Variants in GGH observed in about 807,000 individuals in gnomAD.
The protein encoded by GGH is gamma-Glu-X carboxypeptidase.
Under a neutral mutation model 39.2 loss-of-function variants are expected in GGH, and 18 were observed. The observed-to-expected ratio is 0.46, with a 90% CI of 0.32 to 0.68. The LOEUF is 0.68. Ranked by LOEUF, GGH falls within the 30% of genes least tolerant of loss-of-function variation. The pLI, the probability that GGH is intolerant of heterozygous loss-of-function variation, is 0.04. For synonymous variants in GGH, 147 were observed against 138.8 expected, an observed-to-expected ratio of 1.06 and a Z score of -0.42; for missense variants, 367 against 384.1, an observed-to-expected ratio of 0.96 and a Z score of 0.37.
At chr8:63,038,557 T>G (rs190945668) in intron 1 of GGH, 103 bp downstream of exon 1, 18,966 of 562,634 alleles carry the variant, frequency 0.034, 462 homozygotes, top group South Asian at 0.068. Flanking sequence ...CATCTGGGGG[T>G]TTTTCCCGGC....
At chr8:63,029,669 G>A (rs1416733961) in intron 3 of GGH, among the ~76,000 whole-genome samples, 1 of 151,862 alleles carries the variant, frequency 6.6e-6, no homozygotes, top group Non-Finnish European at 1.5e-5. Context: ...TTCCTCACAG[G>A]CCCCATAGAG....
In GGH at chr8:63,024,138, A is replaced by C. The variant is rs369683727; in HGVS notation, c.548T>G (p.Leu183Arg). 1 of 1,611,790 alleles carries C rather than the reference A, an allele frequency of 6.2e-7. No homozygotes were observed. The highest frequency in any genetic ancestry group is 8.5e-7 in the Non-Finnish European group (1 of 1,178,130). ...AGTCAGAGGTTCTACTGCTAATGAC[A>C]GCAACAACTCAGTAGGAAAATTCTG... ...MFQNFPTELL[L>R]SLAVEPLTAN... The change falls in exon 6 of 9, where the codon CTG becomes CGG. Residue 183 changes from leucine (L) to arginine (R), a missense_variant. Leu to Arg is a moderately radical substitution (Grantham distance 102). Coordinates refer to ENST00000260118, the MANE Select transcript of GGH (RefSeq NM_003878.3).
At position 63,032,799 on chromosome 8, in the gene GGH, T is replaced by G. The variant is rs541642984; in HGVS notation, c.225-2582A>C. ...AACCCAATTTGGAAATAAACCTGTA[T>G]GCTGACAGTCGTGTTCTCAGCATCT... On this transcript the variant is annotated intron_variant, in intron 2 of 8. Coordinates refer to ENST00000260118, the MANE Select transcript of GGH (RefSeq NM_003878.3). Among the ~76,000 whole-genome samples the G allele has an allele frequency of 2.6e-5, 4 of 152,370 alleles. No homozygotes were observed. The East Asian group carries it at 5.8e-4, about 22-fold the overall frequency.
intron 7 of GGH, 63 bp from the exon 8 acceptor site, chr8:63,017,693 T>C (rs1804512602): frequency 4.0e-6 from 4 of 999,610 alleles, no homozygotes; most frequent in South Asian, 1.8e-5. Flanking sequence ...TATAATGAAA[T>C]TGGTTTATTT....
chr8:63,033,794 G>T (rs900914567), intron 2 of GGH, among the ~76,000 whole-genome samples: 3 of 151,566 alleles, frequency 2.0e-5, no homozygotes, highest in Non-Finnish European at 2.9e-5. Flanking sequence ...TCTAGTAGCC[G>T]CCAGCATCTA....
At chr8:63,018,606 A>G (rs954731394) in intron 7 of GGH, among the ~76,000 whole-genome samples, 1 of 152,182 alleles carries the variant, frequency 6.6e-6, no homozygotes, top group African/African-American at 2.4e-5. Context: ...ATGCAGCTCC[A>G]GGCACTCAGC....
intron 1 of GGH, among the ~76,000 whole-genome samples, chr8:63,036,283 A>G (rs532869443): frequency 6.6e-6 from 1 of 152,290 alleles, no homozygotes; most frequent in South Asian, 2.1e-4. Context: ...AACCCCCCCA[A>G]GCTCCAAGCA....
intron 4 of GGH, chr8:63,026,903 C>A: frequency 1.1e-5 from 4 of 355,078 alleles, no homozygotes; most frequent in Non-Finnish European, 2.0e-5. Flanking sequence ...CAGAGAGAGA[C>A]ATCAGAATGT....
intron 5 of GGH, among the ~76,000 whole-genome samples, chr8:63,025,495 G>A (rs948627282): frequency 2.0e-5 from 3 of 152,176 alleles, no homozygotes; most frequent in Non-Finnish European, 4.4e-5. Flanking sequence ...CACTTTGGAA[G>A]GCCAAGGTGG....
intron 8 of GGH, chr8:63,017,246 CTGT>C (rs1804502427): frequency 2.5e-6 from 1 of 395,014 alleles, no homozygotes; most frequent in African/African-American, 2.1e-5. Context: ...ATTCTTCACA[CTGT>C]TGTTCAAGAA....
chr8:63,015,636 C>T (rs1270347374), intron 8 of GGH, among the ~76,000 whole-genome samples, 183 bp from the exon 9 acceptor site: 1 of 143,682 alleles, frequency 7.0e-6, no homozygotes, highest in Non-Finnish European at 1.5e-5. Flanking sequence ...AACAAACTTA[C>T]TTTCCAAAAA....
At position 63,026,257 on chromosome 8, in the gene GGH, A is replaced by T. The variant is rs2129657125; in HGVS notation, c.400T>A (p.Cys134Ser). ...AGTGAAAGCTCTTCAAATCCAAGGC[A>T]TGTGCCCCACACAGGAAAATAGTCT... Reference protein sequence around the residue: ...DGDYFPVWGTCLGFEELSLLI... With the variant: ...DGDYFPVWGTSLGFEELSLLI... The change falls in exon 5 of 9, where the codon TGC becomes AGC. Residue 134 changes from cysteine to serine, a missense_variant. Transcript: ENST00000260118. 1 of 1,610,356 alleles carries T rather than the reference A, an allele frequency of 6.2e-7. No individual in the cohort carries two copies. The highest frequency in any genetic ancestry group is 8.5e-7 in the Non-Finnish European group (1 of 1,177,408).
chr8:63,032,954 T>G (rs757021686), intron 2 of GGH, among the ~76,000 whole-genome samples: 1 of 152,226 alleles, frequency 6.6e-6, no homozygotes, highest in Non-Finnish European at 1.5e-5. Flanking sequence ...GTGATTTTTT[T>G]AAACAACACT....
Position 63,027,197 on chromosome 8 carries a change from TA to T in GGH, c.343del (p.Tyr115IlefsTer29). The T allele has an allele frequency of 1.3e-6, 2 of 1,494,574 alleles. No homozygotes were observed. The highest frequency in any genetic ancestry group is 1.9e-6 in the Non-Finnish European group (2 of 1,071,344). The allele number at this position is 1,494,574 out of a possible 1,614,324, so 92.6% of individuals were successfully genotyped here. On this transcript the variant is annotated frameshift_variant, in exon 4 of 9. Coordinates refer to ENST00000260118, the MANE Select transcript of GGH (RefSeq NM_003878.3). LOFTEE classifies it high-confidence loss of function. ...GATATTTACCTGTATGGACAAGTTA[TA>T]AAATATTTTGGCCACTTTAGCATAA... Reference protein sequence around the residue: ...SDYAKVAKIFYNLSIQSFDDG... With the variant: ...SDYAKVAKIFXNLSIQSFDDG...
At chr8:63,029,149 C>G (rs1368532192) in intron 3 of GGH, among the ~76,000 whole-genome samples, 5 of 152,120 alleles carry the variant, frequency 3.3e-5, no homozygotes, top group African/African-American at 1.2e-4. Flanking sequence ...AAACATTTTA[C>G]AGTAAAATAC....
rs758036190 is a variant in GGH, at chr8:63,035,709, A to C, written c.171T>G (p.Ala57=). 2 of 1,613,738 alleles carry C rather than the reference A, an allele frequency of 1.2e-6. No homozygotes were observed. Among genetic ancestry groups the C allele is most frequent in the South Asian group, 1.1e-5 (1 of 91,038 alleles). Residue 57 remains alanine (A), a synonymous_variant, in exon 2 of 9, where the codon GCT becomes GCG. Transcript: ENST00000260118. ...VMKNYGRYYI[A]ASYVKYLESA... ...ACTCCAAGTACTTTACATAGGACGC[A>C]GCAATATAGTATCTTCCATAGTTTT...
intron 3 of GGH, among the ~76,000 whole-genome samples, chr8:63,028,983 G>C (rs1273001787): frequency 6.6e-6 from 1 of 152,098 alleles, no homozygotes; most frequent in Non-Finnish European, 1.5e-5. Context: ...CACATACTGG[G>C]CATTGTAAAT....
chr8:63,030,155 C>T lies in GGH; in HGVS notation c.275+12G>A, dbSNP rs1436491671. On this transcript the variant is annotated intron_variant, in intron 3 of 8. Transcript: ENST00000260118. ...ACTCATATACCGTATGAAACCAATG[C>T]TGCCAACTTACCCATTAATAGATTT... The T allele has an allele frequency of 4.7e-6, 6 of 1,263,476 alleles. No homozygotes were observed. The highest frequency in any genetic ancestry group is 7.0e-6 in the Non-Finnish European group (6 of 861,552). The allele number at this position is 1,263,476 out of a possible 1,614,324, so 78.3% of individuals were successfully genotyped here.
rs1355666332 is a variant in GGH at position 63,038,786 on chromosome 8, G to T, written c.-18C>A. ...CTGGCCATGGCGCTCGCCGCCTCCC[G>T]CCGCCTTTCAAAAGCTCTGCGGGCG... is the stretch of plus-strand genomic sequence containing the variant. On this transcript the variant is annotated 5_prime_UTR_variant, in exon 1 of 9. Coordinates refer to ENST00000260118, the MANE Select transcript of GGH (RefSeq NM_003878.3). The T allele has an allele frequency of 6.9e-7, 1 of 1,457,754 alleles. No individual in the cohort carries two copies. Among genetic ancestry groups the T allele is most frequent in the Non-Finnish European group, 9.2e-7 (1 of 1,089,330 alleles). 90.3% of individuals were successfully genotyped at this position (1,457,754 alleles called of 1,614,324 possible). A position where few individuals can be genotyped will look rare whatever the true frequency, so the allele number is the denominator to read the frequency against.
Sources: allele counts gnomAD v4.1 joint callset (sites outside exome capture counted in the v4.1 genomes callset), GRCh38; gene constraint gnomAD v4.1.1; transcripts MANE v1.5; gene names NCBI Gene and HGNC (gene_info 2026-07-23, HGNC 2026-07-21).